UNC5A: variants seen among roughly 807,000 people sequenced by gnomAD.
The protein encoded by UNC5A is unc-5 netrin receptor A.
A neutral mutation model predicts 87.4 loss-of-function variants in UNC5A; 20 were observed. That is an observed-to-expected ratio of 0.23 (90% confidence interval 0.16 to 0.33). The LOEUF is 0.33. UNC5A is among the 10% of genes least tolerant of loss of function. The probability of loss-of-function intolerance (pLI) is 1.00; values close to 1 mark genes in which losing one functional copy is unlikely to be tolerated. For synonymous variants in UNC5A, 438 were observed against 482.3 expected (o/e 0.91, Z 1.20); for missense variants, 844 against 1,133.4 (o/e 0.74, Z 3.67).
intron 13 of UNC5A, among the ~76,000 whole-genome samples, chr5:176,878,991 G>A (rs1319818196): frequency 6.6e-6 from 1 of 152,192 alleles, no homozygotes; most frequent in Non-Finnish European, 1.5e-5. Flanking sequence ...CTGGGCAGGG[G>A]GGACTCAGGC....
intron 1 of UNC5A, among the ~76,000 whole-genome samples, chr5:176,854,120 C>T (rs574397005): frequency 1.3e-5 from 2 of 152,144 alleles, no homozygotes; most frequent in South Asian, 2.1e-4. Flanking sequence ...TGCATGGCAC[C>T]CCGTTGTTAC....
At chr5:176,835,201 A>G (rs1417557826) in intron 1 of UNC5A, among the ~76,000 whole-genome samples, 2 of 152,232 alleles carry the variant, frequency 1.3e-5, no homozygotes, top group African/African-American at 4.8e-5. Flanking sequence ...TGGCTTGTAC[A>G]CCTGGAGGTG....
intron 2 of UNC5A, 128 bp from the exon 3 acceptor site, chr5:176,868,002 T>TAA: frequency 5.6e-6 from 4 of 716,338 alleles, no homozygotes; most frequent in African/African-American, 4.0e-5. Context: ...ATAATAAAAT[T>TAA]TAAAAAAAAA....
chr5:176,865,816 C>G lies in UNC5A; in HGVS notation c.293-2314C>G. 1 of 376,200 alleles carries G rather than the reference C, an allele frequency of 2.7e-6. No individual in the cohort carries two copies. The highest frequency in any genetic ancestry group is 2.0e-5 in the South Asian group (1 of 50,552). The allele number at this position is 376,200 out of a possible 1,614,324, so 23.3% of individuals were successfully genotyped here. A position where few individuals can be genotyped will look rare whatever the true frequency, so the allele number is the denominator to read the frequency against. On this transcript the variant is annotated intron_variant, in intron 2 of 14. Coordinates refer to ENST00000329542, the MANE Select transcript of UNC5A (RefSeq NM_133369.3). This position sits in a 1 kb window ranked among gnomAD's most constrained non-coding sequence, Gnocchi z 5.3. ...GGATGGACACCCAGGAGAGCACCTA[C>G]TTCCCTCTCGTTTGCCCTCATTCCT...
In UNC5A at chr5:176,874,522, G is replaced by A; in HGVS notation, c.1334G>A (p.Gly445Glu). ...LPRGTSNMTY[G>E]TFNFLGGRLM... The stretch of plus-strand genomic sequence containing the variant: ...CGAGGCACCAGCAACATGACCTATG[G>A]GACCTTCAACTTCCTCGGGGGCCGG... Residue 445 changes from glycine to glutamate, a missense_variant, in exon 8 of 15, where the codon GGG becomes GAG. Gly to Glu is a moderately conservative substitution (Grantham distance 98, BLOSUM62 -2). Transcript: ENST00000329542. The surrounding 1 kb of genome is among the most constrained non-coding windows in gnomAD (Gnocchi z 7.6). 1 of 1,595,192 alleles carries A rather than the reference G, an allele frequency of 6.3e-7. No individual in the cohort carries two copies. The highest frequency in any genetic ancestry group is 8.6e-7 in the Non-Finnish European group (1 of 1,167,848).
At chr5:176,857,354 T>C (rs1757691798) in intron 1 of UNC5A, among the ~76,000 whole-genome samples, 1 of 152,128 alleles carries the variant, frequency 6.6e-6, no homozygotes, top group Non-Finnish European at 1.5e-5. Context: ...TGGAAGAAGG[T>C]GGCATCCGTC....
chr5:176,854,359 C>T (rs953861458), intron 1 of UNC5A, among the ~76,000 whole-genome samples: 18 of 152,168 alleles, frequency 1.2e-4, no homozygotes, highest in African/African-American at 4.3e-4. Flanking sequence ...CCTAGTGAAG[C>T]TCCCTCTTCA....
chr5:176,835,743 G>A (rs562928843), intron 1 of UNC5A, among the ~76,000 whole-genome samples: 2 of 149,686 alleles, frequency 1.3e-5, no homozygotes, highest in Non-Finnish European at 2.9e-5. Flanking sequence ...GTGTGTGTGT[G>A]TGTGTGTGTG....
At chr5:176,863,624 G>A (rs1212552192) in intron 2 of UNC5A, among the ~76,000 whole-genome samples, 5 of 151,940 alleles carry the variant, frequency 3.3e-5, no homozygotes, top group African/African-American at 4.8e-5. Context: ...TGGCACTGGG[G>A]ACGTGGGCAG....
In UNC5A at chr5:176,880,044, C is replaced by A; in HGVS notation, c.*158C>A. 3 of 991,640 alleles carry A rather than the reference C, an allele frequency of 3.0e-6. No individual in the cohort carries two copies. Among genetic ancestry groups the A allele is most frequent in the Non-Finnish European group, 4.3e-6 (3 of 698,066 alleles). The allele number at this position is 991,640 out of a possible 1,614,324, so 61.4% of individuals were successfully genotyped here. Reference sequence around the variant, plus strand: ...CTTAATGCTGGTCCTTCAGACCCTGCCCGAACTCCCACCTCTCCATGGCCT... The same window carrying A: ...CTTAATGCTGGTCCTTCAGACCCTGACCGAACTCCCACCTCTCCATGGCCT... On this transcript the variant is annotated 3_prime_UTR_variant, in exon 15 of 15. Coordinates refer to ENST00000329542, the MANE Select transcript of UNC5A (RefSeq NM_133369.3).
intron 1 of UNC5A, among the ~76,000 whole-genome samples, chr5:176,847,211 A>C (rs1291748180): frequency 6.6e-6 from 1 of 152,214 alleles, no homozygotes; most frequent in Non-Finnish European, 1.5e-5. Context: ...CGCTGATGAA[A>C]GGATGCTTGG....
chr5:176,849,898 C>A (rs1757502150), intron 1 of UNC5A, among the ~76,000 whole-genome samples: 1 of 152,210 alleles, frequency 6.6e-6, no homozygotes, highest in South Asian at 2.1e-4. Context: ...GAGCTTGTGG[C>A]AAGTTGAGGA....
In UNC5A at chr5:176,875,184, C is replaced by G. The variant is rs567744675; in HGVS notation, c.1378+618C>G. 6.6e-6 allele frequency among the ~76,000 whole-genome samples: 1 copy of G among 152,264 alleles called. No homozygotes were observed. Among genetic ancestry groups the G allele is most frequent in the East Asian group, 1.9e-4 (1 of 5,170 alleles). On this transcript the variant is annotated intron_variant, in intron 8 of 14. Transcript: ENST00000329542. This position sits in a 1 kb window ranked among gnomAD's most constrained non-coding sequence, Gnocchi z 5.2. ...CCCAGTGCCCTTCTCCCCGAGCGGC[C>G]TCGCCCACTCCATGGCTTTAATCGC...
At chr5:176,878,744 T>A in intron 13 of UNC5A, 105 bp downstream of exon 13, 1 of 1,418,206 alleles carries the variant, frequency 7.1e-7, no homozygotes. Context: ...CCACTCTCCC[T>A]CCCGCCTGTC....
chr5:176,830,836 T>C (rs1450828316), intron 1 of UNC5A, among the ~76,000 whole-genome samples: 5 of 118,970 alleles, frequency 4.2e-5, no homozygotes, highest in Admixed American at 1.8e-4. Flanking sequence ...ATGTATGTGC[T>C]GGCATGTGTG....
At chr5:176,876,216 T>C (rs985061258) in intron 8 of UNC5A, among the ~76,000 whole-genome samples, 1 of 152,240 alleles carries the variant, frequency 6.6e-6, no homozygotes, top group Non-Finnish European at 1.5e-5. Context: ...TGCGAGGATG[T>C]CTGGCATTGT....
chr5:176,874,576 AC>A lies in UNC5A; in HGVS notation c.1378+14del. 1 of 1,513,436 alleles carries A rather than the reference AC, an allele frequency of 6.6e-7. No individual in the cohort carries two copies. The highest frequency in any genetic ancestry group is 1.3e-5 in the South Asian group (1 of 75,390). The allele number at this position is 1,513,436 out of a possible 1,614,324, so 93.8% of individuals were successfully genotyped here. On this transcript the variant is annotated intron_variant, in intron 8 of 14. Coordinates refer to ENST00000329542, the MANE Select transcript of UNC5A (RefSeq NM_133369.3). The surrounding 1 kb of genome is among the most constrained non-coding windows in gnomAD (Gnocchi z 7.6). ...ATGATCCCTAATACAGGTAGGAAGG[AC>A]CCCAGGGGGCTCTGAGAGCTCCACT...
Position 176,865,290 on chromosome 5 carries a change from C to T in UNC5A, c.292+2445C>T, listed in dbSNP as rs140567556. Reference sequence around the variant, plus strand: ...CTCCCAGCACCCCCTTCCGGGCTCCCCCGCACACCCCTCTGTCTGAAACAC... The same window carrying T: ...CTCCCAGCACCCCCTTCCGGGCTCCTCCGCACACCCCTCTGTCTGAAACAC... On this transcript the variant is annotated intron_variant, in intron 2 of 14. Coordinates refer to ENST00000329542, the MANE Select transcript of UNC5A (RefSeq NM_133369.3). This position sits in a 1 kb window ranked among gnomAD's most constrained non-coding sequence, Gnocchi z 5.3. Among the ~76,000 whole-genome samples the T allele has an allele frequency of 1.3e-5, 2 of 152,340 alleles. No individual in the cohort carries two copies. The highest frequency in any genetic ancestry group is 2.9e-5 in the Non-Finnish European group (2 of 68,026).
intron 1 of UNC5A, among the ~76,000 whole-genome samples, chr5:176,843,100 G>A (rs1352491530): frequency 6.6e-6 from 1 of 151,624 alleles, no homozygotes; most frequent in African/African-American, 2.4e-5. Flanking sequence ...GGCAGTGGTT[G>A]CAGTGAGCCG....
Sources: gnomAD v4.1 joint callset for allele counts (sites outside exome capture counted in the v4.1 genomes callset) on GRCh38, gnomAD v4.1.1 for gene constraint, Gnocchi (gnomAD v3.1) non-coding constraint, MANE v1.5 for transcripts, NCBI Gene and HGNC (gene_info 2026-07-23, HGNC 2026-07-21) for gene names.